PRKX: variants seen among roughly 807,000 people sequenced by gnomAD.
The protein encoded by PRKX is protein kinase cAMP-dependent X-linked catalytic subunit.
PRKX carries 12 observed loss-of-function variants against 22.0 expected under a neutral mutation model. That is an observed-to-expected ratio of 0.54 (90% CI 0.35 to 0.88). PRKX has a LOEUF of 0.88. Ranked by LOEUF, PRKX falls within the 40% of genes least tolerant of loss-of-function variation. The probability of loss-of-function intolerance (pLI) is 0.01; values close to 1 mark genes in which losing one functional copy is unlikely to be tolerated. For synonymous variants in PRKX, 134 were observed against 137.7 expected (o/e 0.97, Z 0.19); for missense variants, 217 against 308.0 (o/e 0.70, Z 2.21).
At chrX:3,694,739 G>C (rs1229424511) in intron 1 of PRKX, among the ~76,000 whole-genome samples, 1 of 110,992 alleles carries the variant, frequency 9.0e-6, no homozygotes, top group Non-Finnish European at 1.9e-5. Flanking sequence ...CGCTGGAAAA[G>C]GGTGGGCCCT....
chrX:3,644,088 G>A (rs1047458461), intron 3 of PRKX, among the ~76,000 whole-genome samples: 7 of 109,655 alleles, frequency 6.4e-5, no homozygotes, highest in Middle Eastern at 9.3e-3. Flanking sequence ...AAATTCTGTC[G>A]GCCATCCATG....
intron 1 of PRKX, among the ~76,000 whole-genome samples, chrX:3,687,863 G>C (rs1375848309): frequency 2.7e-5 from 3 of 111,972 alleles, no homozygotes; most frequent in Non-Finnish European, 5.6e-5. Flanking sequence ...ACCAAGGACA[G>C]CATCGTGTTC....
chrX:3,696,785 C>T (rs751175423), intron 1 of PRKX, among the ~76,000 whole-genome samples: 2 of 111,657 alleles, frequency 1.8e-5, no homozygotes, highest in East Asian at 2.8e-4. Flanking sequence ...TTCGGGAGGC[C>T]GAGGGAGGCG....
chrX:3,625,710 T>C (rs1209531022), intron 5 of PRKX, among the ~76,000 whole-genome samples: 1 of 110,302 alleles, frequency 9.1e-6, no homozygotes, highest in East Asian at 2.9e-4. Context: ...TAGCTGAGAC[T>C]ACAGGCGCCC....
At position 3,680,125 on chromosome X, in the gene PRKX, C is replaced by G. The variant is rs149994157; in HGVS notation, c.167-5359G>C. Among the ~76,000 whole-genome samples the G allele has an allele frequency of 3.7e-3, 395 of 107,505 alleles. 1 individual carries two copies. The highest frequency in any genetic ancestry group is 0.013 in the African/African-American group (373 of 28,090). 93.4% of individuals were successfully genotyped at this position (107,505 alleles called of 115,157 possible). A position where few individuals can be genotyped will look rare whatever the true frequency, so the allele number is the denominator to read the frequency against. On this transcript the variant is annotated intron_variant, in intron 1 of 8. Transcript: ENST00000262848. ...GGTCCAACTCACACACAAACACATC[C>G]TGGCCTGTTGTTGTTGTTGTTGTTG...
At chrX:3,615,664 A>AACTTGGCTTATGAAC in intron 7 of PRKX, 151 bp downstream of exon 7, 1 of 505,965 alleles carries the variant, frequency 2.0e-6, no homozygotes, top group South Asian at 3.5e-5. Flanking sequence ...AAGAGTGGGG[A>AACTTGGCTTATGAAC]ACTTGGCTTA....
intron 2 of PRKX, among the ~76,000 whole-genome samples, chrX:3,655,629 G>A (rs1191877381): frequency 1.8e-5 from 2 of 112,665 alleles, no homozygotes; most frequent in Non-Finnish European, 3.8e-5. Context: ...GTGTTCGAAT[G>A]CACGTACATA....
intron 3 of PRKX, among the ~76,000 whole-genome samples, chrX:3,647,985 T>C (rs1024143340): frequency 6.3e-5 from 7 of 111,631 alleles, no homozygotes; most frequent in African/African-American, 2.3e-4. Context: ...CATGAGACCT[T>C]TTTGGTCTGG....
chrX:3,701,331 G>T (rs1928566958), intron 1 of PRKX, among the ~76,000 whole-genome samples: 1 of 111,761 alleles, frequency 8.9e-6, no homozygotes, highest in Non-Finnish European at 1.9e-5. Flanking sequence ...GTCTAGAACT[G>T]CTAGCCTCAA....
chrX:3,655,407 C>T lies in PRKX; in HGVS notation c.341G>A (p.Trp114Ter). The change falls in exon 3 of 9, where the codon TGG (tryptophan) becomes TAG (stop). Residue 114 changes from tryptophan to a stop codon, truncating the protein, a stop_gained. Coordinates refer to ENST00000262848, the MANE Select transcript of PRKX (RefSeq NM_005044.5). LOFTEE classifies it high-confidence loss of function. The stretch of plus-strand genomic sequence containing the variant: ...GAGGAAGCGCTCGTCATGCCACGTC[C>T]AGAACCTGCGGGGACAGACAGCACA... ...VSHPFLIRLF[W>*]TWHDERFLYM... 1 of 1,212,195 alleles carries T rather than the reference C, an allele frequency of 8.2e-7. No homozygotes were observed. The highest frequency in any genetic ancestry group is 1.1e-6 in the Non-Finnish European group (1 of 895,612).
chrX:3,637,059 A>AAGGGAAAG (rs1926903796), intron 4 of PRKX, among the ~76,000 whole-genome samples: 1 of 95,218 alleles, frequency 1.1e-5, no homozygotes, highest in Non-Finnish European at 2.1e-5. Context: ...AAGGGAAGGG[A>AAGGGAAAG]GGAAGGAGAG....
At chrX:3,641,115 C>T in intron 4 of PRKX, among the ~76,000 whole-genome samples, 1 of 111,921 alleles carries the variant, frequency 8.9e-6, no homozygotes. Flanking sequence ...CTCAGGGCTG[C>T]TCTGCCTAAG....
At chrX:3,712,340 C>T (rs1928807204) in intron 1 of PRKX, among the ~76,000 whole-genome samples, 1 of 111,448 alleles carries the variant, frequency 9.0e-6, no homozygotes, top group Admixed American at 9.5e-5. Flanking sequence ...ATATTCTGAC[C>T]CACTCAGGGC....
At chrX:3,623,122 T>C (rs1334685846) in intron 5 of PRKX, among the ~76,000 whole-genome samples, 3 of 109,621 alleles carry the variant, frequency 2.7e-5, no homozygotes, top group African/African-American at 1.0e-4. Flanking sequence ...TATTTCAGAA[T>C]GTTTTGGTGA....
rs746332709 is a variant in PRKX, at chrX:3,689,001, T to C, written c.167-14235A>G. On this transcript the variant is annotated intron_variant, in intron 1 of 8. Transcript: ENST00000262848. ...CTGGGTGGAAGGAGAGGGCAAATTC[T>C]GCACAGGTGAGGCACAAAAACAGAT... Among the ~76,000 whole-genome samples, 3 of 112,186 alleles carry C rather than the reference T, an allele frequency of 2.7e-5. No homozygotes were observed. In the East Asian group the frequency reaches 8.4e-4, roughly 32 times the overall value.
At position 3,705,514 on chromosome X, in the gene PRKX, G is replaced by A. The variant is rs566131110; in HGVS notation, c.166+7574C>T. On this transcript the variant is annotated intron_variant, in intron 1 of 8. Transcript: ENST00000262848. The stretch of plus-strand genomic sequence containing the variant: ...GGCCACCTGGAGAAACAGGCAGAGG[G>A]AACCCGTCACACAGAAACATCGGTT... Among the ~76,000 whole-genome samples the A allele has an allele frequency of 9.0e-5, 10 of 111,042 alleles. No individual in the cohort carries two copies. In the South Asian group the frequency reaches 3.8e-3, roughly 43 times the overall value.
chrX:3,632,169 A>G (rs1926797897), intron 4 of PRKX, among the ~76,000 whole-genome samples: 1 of 111,884 alleles, frequency 8.9e-6, no homozygotes, highest in Admixed American at 9.5e-5. Context: ...TTCCTTCTTA[A>G]ATAACATTTC....
At chrX:3,709,371 A>C (rs1234111661) in intron 1 of PRKX, among the ~76,000 whole-genome samples, 2 of 110,957 alleles carry the variant, frequency 1.8e-5, no homozygotes, top group Admixed American at 1.9e-4. Context: ...ATTTCAAAAA[A>C]TATATATTTT....
intron 1 of PRKX, among the ~76,000 whole-genome samples, chrX:3,677,689 T>C (rs1261558114): frequency 1.8e-5 from 2 of 111,716 alleles, no homozygotes; most frequent in African/African-American, 6.5e-5. Flanking sequence ...TGTTGTAAAA[T>C]ATCTAAGCTA....
Sources: gnomAD v4.1 joint callset for allele counts (sites outside exome capture counted in the v4.1 genomes callset) on GRCh38, gnomAD v4.1.1 for gene constraint, MANE v1.5 for transcripts, NCBI Gene and HGNC (gene_info 2026-07-23, HGNC 2026-07-21) for gene names.